The following MYRFL variants were observed in gnomAD, a reference collection of about 807,000 sequenced individuals.
MYRFL encodes myelin regulatory factor-like protein.
Under a neutral mutation model 109.4 loss-of-function variants are expected in MYRFL, and 88 were observed. The ratio of observed to expected loss-of-function variants is 0.80; its 90% CI spans 0.68 to 0.96. The LOEUF is 0.96. MYRFL is among the 40% of genes least tolerant of loss of function. The pLI is 0.00. For missense variants in MYRFL, 957 were observed against 954.9 expected, an observed-to-expected ratio of 1.00 and a Z score of -0.03; for synonymous variants, 324 against 320.9, an observed-to-expected ratio of 1.01 and a Z score of -0.10.
intron 19 of MYRFL, among the ~76,000 whole-genome samples, chr12:69,939,337 G>A (rs1352148741): frequency 2.0e-4 from 30 of 152,254 alleles, no homozygotes; most frequent in African/African-American, 6.5e-4. Flanking sequence ...GCACGCAGCT[G>A]GAGATCTGAG....
At chr12:69,857,617 T>G (rs1884376673) in intron 2 of MYRFL, among the ~76,000 whole-genome samples, 1 of 151,854 alleles carries the variant, frequency 6.6e-6, no homozygotes, top group Non-Finnish European at 1.5e-5. Flanking sequence ...TTCCTAAATA[T>G]TTCATGTTCT....
Position 69,936,106 on chromosome 12 carries a change from T to TTTC in MYRFL, c.1917-6_1917-5insTCT. 1 of 1,049,542 alleles carries TTTC rather than the reference T, an allele frequency of 9.5e-7. No individual in the cohort carries two copies. Among genetic ancestry groups the TTTC allele is most frequent in the Admixed American group, 3.1e-5 (1 of 32,682 alleles). 65.0% of individuals were successfully genotyped at this position (1,049,542 alleles called of 1,614,324 possible). On this transcript the variant is annotated splice_region_variant and splice_polypyrimidine_tract_variant and intron_variant, in intron 16 of 24. Transcript: ENST00000552032. ...TTTTTTTTTTTTTTTTTTTTTTTTT[T>TTTC]TGACAGTGCTTTGACGATAGTTGCC...
In MYRFL at chr12:69,927,881, T is replaced by C. The variant is rs1435669672; in HGVS notation, c.1830+133T>C. The stretch of plus-strand genomic sequence containing the variant: ...AGTTTGCATCCTTATGTACTATATG[T>C]GTTTAAATATTAGCCCTCTAGTACA... On this transcript the variant is annotated intron_variant, in intron 15 of 24. Transcript: ENST00000552032. 5.3e-6 allele frequency: 4 copies of C among 756,470 alleles called. No individual in the cohort carries two copies. The African/African-American group carries it at 5.3e-5, about 10-fold the overall frequency. The allele number at this position is 756,470 out of a possible 1,614,324, so 46.9% of individuals were successfully genotyped here.
At chr12:69,868,930 G>A (rs993633830) in intron 2 of MYRFL, among the ~76,000 whole-genome samples, 16 of 151,412 alleles carry the variant, frequency 1.1e-4, no homozygotes, top group Admixed American at 2.6e-4. Context: ...GTACTCACAC[G>A]TACACACAGA....
intron 1 of MYRFL, among the ~76,000 whole-genome samples, chr12:69,843,247 T>A (rs1883347070): frequency 1.3e-5 from 2 of 152,206 alleles, no homozygotes; most frequent in Non-Finnish European, 2.9e-5. Flanking sequence ...CTGCTCCAGT[T>A]TTTCATGAAC....
chr12:69,926,939 T>TTTTTTG, intron 14 of MYRFL, among the ~76,000 whole-genome samples: 1 of 131,550 alleles, frequency 7.6e-6, no homozygotes, highest in South Asian at 2.7e-4. Flanking sequence ...GCTGGTTTTT[T>TTTTTTG]TTTTTTTTTT....
chr12:69,904,496 C>T (rs1378681892), intron 11 of MYRFL: 1 of 152,242 alleles, frequency 6.6e-6, no homozygotes, highest in Non-Finnish European at 1.5e-5. Flanking sequence ...TTACGTGACC[C>T]TGGATAAAAA....
At chr12:69,870,799 T>C (rs1314565739) in intron 2 of MYRFL, among the ~76,000 whole-genome samples, 5 of 152,200 alleles carry the variant, frequency 3.3e-5, no homozygotes, top group African/African-American at 1.2e-4. Context: ...GCATTTAATA[T>C]TTTAAAATCT....
At chr12:69,933,197 G>A (rs1343099831) in intron 16 of MYRFL, among the ~76,000 whole-genome samples, 2 of 152,166 alleles carry the variant, frequency 1.3e-5, no homozygotes, top group Non-Finnish European at 2.9e-5. Flanking sequence ...ACACCATCCC[G>A]CCTCTGCAGC....
At chr12:69,866,612 C>T (rs1885031280) in intron 2 of MYRFL, among the ~76,000 whole-genome samples, 1 of 152,144 alleles carries the variant, frequency 6.6e-6, no homozygotes, top group Admixed American at 6.6e-5. Context: ...TACTTCCCCT[C>T]TACCATATTG....
chr12:69,895,337 T>C, intron 8 of MYRFL, 34 bp from the exon 9 acceptor site: 1 of 1,429,498 alleles, frequency 7.0e-7, no homozygotes, highest in Non-Finnish European at 9.5e-7. Flanking sequence ...TCTCTTATAG[T>C]CTCTTGGTTT....
intron 1 of MYRFL, among the ~76,000 whole-genome samples, chr12:69,841,987 A>C (rs76226690): frequency 9.3e-4 from 142 of 152,314 alleles, no homozygotes; most frequent in African/African-American, 3.3e-3. Flanking sequence ...TAAATAAAGG[A>C]AGACACTGAG....
intron 21 of MYRFL, among the ~76,000 whole-genome samples, chr12:69,954,526 G>A (rs765600557): frequency 3.9e-5 from 6 of 152,040 alleles, no homozygotes; most frequent in Non-Finnish European, 8.8e-5. Flanking sequence ...ATAATGTTTC[G>A]TTTTGTTGTA....
chr12:69,877,425 T>C (rs1885757942), intron 2 of MYRFL, among the ~76,000 whole-genome samples: 1 of 152,168 alleles, frequency 6.6e-6, no homozygotes, highest in African/African-American at 2.4e-5. Context: ...TCCTGGGCTT[T>C]TTGAGTTTTG....
At chr12:69,851,575 A>G (rs1360537374) in intron 1 of MYRFL, among the ~76,000 whole-genome samples, 1 of 152,214 alleles carries the variant, frequency 6.6e-6, no homozygotes, top group Admixed American at 6.5e-5. Flanking sequence ...CAGTACTTTA[A>G]CCAAGGAATC....
At chr12:69,862,558 G>A (rs1240233) in intron 2 of MYRFL, among the ~76,000 whole-genome samples, 106,901 of 146,164 alleles carry the variant, frequency 0.73, 40,802 homozygotes, top group Non-Finnish European at 0.86. Context: ...TTTGTCTGTT[G>A]TTGGTGTATA....
intron 2 of MYRFL, among the ~76,000 whole-genome samples, chr12:69,878,622 G>A (rs1360501630): frequency 6.6e-6 from 1 of 152,090 alleles, no homozygotes; most frequent in Non-Finnish European, 1.5e-5. Context: ...TTTATAAGAA[G>A]CAATAATATT....
chr12:69,917,904 A>G (rs895318899), intron 13 of MYRFL, among the ~76,000 whole-genome samples: 2 of 53,008 alleles, frequency 3.8e-5, no homozygotes, highest in Non-Finnish European at 4.1e-5. Context: ...CATTTAGATG[A>G]AAAAAAAAAA....
chr12:69,860,906 C>T (rs1884616987), intron 2 of MYRFL, among the ~76,000 whole-genome samples: 1 of 122,498 alleles, frequency 8.2e-6, no homozygotes, highest in African/African-American at 3.1e-5. Flanking sequence ...CCTCCCCCCA[C>T]CCCACAACAG....
Sources: gnomAD v4.1 joint callset for allele counts (sites outside exome capture counted in the v4.1 genomes callset) on GRCh38, gnomAD v4.1.1 for gene constraint, MANE v1.5 for transcripts, NCBI Gene and HGNC (gene_info 2026-07-23, HGNC 2026-07-21) for gene names.